Variants in SDK2 observed in about 807,000 individuals in gnomAD.
SDK2 encodes the protein sidekick cell adhesion molecule 2, also known as protein sidekick-2.
Under a neutral mutation model 253.9 loss-of-function variants are expected in SDK2, and 105 were observed. The observed-to-expected ratio is 0.41, with a 90% CI of 0.35 to 0.49. The LOEUF (loss-of-function observed/expected upper bound fraction) is 0.49, where lower values mean the gene tolerates loss of function less well. Ranked by LOEUF, SDK2 falls within the 20% of genes least tolerant of loss-of-function variation. The pLI, the probability that SDK2 is intolerant of heterozygous loss-of-function variation, is 0.06. For synonymous variants in SDK2, 1,249 were observed against 1,234.9 expected, an observed-to-expected ratio of 1.01 and a Z score of -0.24; for missense variants, 2,608 against 3,003.0, an observed-to-expected ratio of 0.87 and a Z score of 3.07.
At chr17:73,615,787 A>G (rs1287503084) in intron 1 of SDK2, among the ~76,000 whole-genome samples, 2 of 152,148 alleles carry the variant, frequency 1.3e-5, no homozygotes, top group Admixed American at 6.5e-5. Flanking sequence ...CACACACACA[A>G]GTATACATGC....
chr17:73,370,989 G>A (rs181815294), intron 36 of SDK2, among the ~76,000 whole-genome samples: 1 of 152,152 alleles, frequency 6.6e-6, no homozygotes, highest in East Asian at 1.9e-4. Context: ...GCTGGAACCC[G>A]GGAGGTGAAG....
chr17:73,353,514 G>A (rs1376373072), intron 40 of SDK2, among the ~76,000 whole-genome samples: 3 of 151,856 alleles, frequency 2.0e-5, no homozygotes, highest in African/African-American at 2.4e-5. Context: ...TCTGCCTCCC[G>A]AGTTCAAGCG....
At chr17:73,357,869 G>A (rs773569915) in intron 40 of SDK2, 39 of 739,124 alleles carry the variant, frequency 5.3e-5, no homozygotes, top group Non-Finnish European at 8.5e-5. Context: ...CCGTTCTCTG[G>A]GGGCCTCCTG....
At chr17:73,385,971 A>G (rs1407231476) in intron 31 of SDK2, 54 bp from the exon 32 acceptor site, 3 of 1,363,036 alleles carry the variant, frequency 2.2e-6, no homozygotes, top group Non-Finnish European at 3.0e-6. Context: ...CAAGTTCCCC[A>G]GGAGCCCACT....
At chr17:73,392,887 C>A (rs191233333) in intron 27 of SDK2, among the ~76,000 whole-genome samples, 1 of 152,018 alleles carries the variant, frequency 6.6e-6, no homozygotes, top group South Asian at 2.1e-4. Flanking sequence ...CCAGGAGGTT[C>A]GTGCGTCCAG....
At chr17:73,412,006 ATATG>A (rs1281827428) in intron 18 of SDK2, among the ~76,000 whole-genome samples, 7 of 126,394 alleles carry the variant, frequency 5.5e-5, no homozygotes, top group South Asian at 2.6e-4. Flanking sequence ...ACACACATAT[ATATG>A]TAGATATACG....
chr17:73,536,638 C>T (rs531863403), intron 1 of SDK2, among the ~76,000 whole-genome samples: 1 of 152,246 alleles, frequency 6.6e-6, no homozygotes, highest in African/African-American at 2.4e-5. Context: ...GCTGCCCCCA[C>T]GCCAGTGCGG....
chr17:73,627,913 G>A (rs1039584228), intron 1 of SDK2, among the ~76,000 whole-genome samples: 16 of 152,140 alleles, frequency 1.1e-4, no homozygotes, highest in East Asian at 3.9e-4. Context: ...TTAGCCAGGC[G>A]TGGTGGTGGG....
intron 4 of SDK2, among the ~76,000 whole-genome samples, chr17:73,450,224 G>T (rs1185345304): frequency 1.3e-5 from 2 of 152,228 alleles, no homozygotes; most frequent in African/African-American, 4.8e-5. Context: ...CCTCTAAAGG[G>T]CATGCAGCTT....
rs1050922511 is a variant in SDK2 at position 73,583,571 on chromosome 17, A to C, written c.64+60454T>G. On this transcript the variant is annotated intron_variant, in intron 1 of 44. Coordinates refer to ENST00000392650, the MANE Select transcript of SDK2 (RefSeq NM_001144952.2). ...CCCCAAACCTCAAGAACTAGGATGA[A>C]AAGTTAGAAGGGCCACCCTGTGCGG... Among the ~76,000 whole-genome samples the C allele has an allele frequency of 2.6e-5, 4 of 152,210 alleles. No individual in the cohort carries two copies. The South Asian group carries it at 6.2e-4, about 24-fold the overall frequency.
At chr17:73,460,465 A>G (rs2063556281) in intron 3 of SDK2, among the ~76,000 whole-genome samples, 1 of 152,232 alleles carries the variant, frequency 6.6e-6, no homozygotes, top group Non-Finnish European at 1.5e-5. Flanking sequence ...TGATTGCAGT[A>G]TACCATTATG....
chr17:73,478,809 G>A (rs112681592), intron 2 of SDK2, among the ~76,000 whole-genome samples: 6 of 152,296 alleles, frequency 3.9e-5, no homozygotes, highest in African/African-American at 9.6e-5. Flanking sequence ...GAGCTGATGC[G>A]GACACCAGAA....
chr17:73,528,466 CG>C (rs1362935353), intron 1 of SDK2, among the ~76,000 whole-genome samples: 2 of 152,184 alleles, frequency 1.3e-5, no homozygotes, highest in African/African-American at 4.8e-5. Flanking sequence ...GGGGAAGCAG[CG>C]ATGCAGTGAG....
chr17:73,618,104 A>G lies in SDK2; in HGVS notation c.64+25921T>C, dbSNP rs748565997. Among the ~76,000 whole-genome samples, 16 of 152,180 alleles carry G rather than the reference A, an allele frequency of 1.1e-4. No individual in the cohort carries two copies. The highest frequency in any genetic ancestry group is 2.1e-4 in the Non-Finnish European group (14 of 68,030). ...TAAAGGGGAGAGAGGTGCTTAATTT[A>G]ATACCAGGCAAATGCAAGAGACCTT... On this transcript the variant is annotated intron_variant, in intron 1 of 44. Coordinates refer to ENST00000392650, the MANE Select transcript of SDK2 (RefSeq NM_001144952.2). The surrounding 1 kb of genome is among the most constrained non-coding windows in gnomAD (Gnocchi z 4.1).
intron 1 of SDK2, among the ~76,000 whole-genome samples, chr17:73,546,111 G>A (rs989334603): frequency 1.3e-5 from 2 of 152,080 alleles, no homozygotes; most frequent in East Asian, 3.9e-4. Context: ...TCGGGGGCGG[G>A]GGGTGAGGAG....
chr17:73,406,577 A>C (rs2063081357), intron 18 of SDK2, among the ~76,000 whole-genome samples: 1 of 152,156 alleles, frequency 6.6e-6, no homozygotes, highest in Non-Finnish European at 1.5e-5. Flanking sequence ...AAAAAATGGA[A>C]GAAAAAACCA....
intron 4 of SDK2, among the ~76,000 whole-genome samples, chr17:73,449,618 T>C (rs2063477415): frequency 6.7e-6 from 1 of 149,386 alleles, no homozygotes; most frequent in South Asian, 2.2e-4. Context: ...TTTTTTTTTT[T>C]TTTTTTTCTG....
At position 73,385,897 on chromosome 17, in the gene SDK2, T is replaced by C. The variant is rs2062868076; in HGVS notation, c.4519A>G (p.Ile1507Val). 1.2e-6 allele frequency: 2 copies of C among 1,607,902 alleles called. No individual in the cohort carries two copies. Among genetic ancestry groups the C allele is most frequent in the Non-Finnish European group, 1.7e-6 (2 of 1,177,772 alleles). ...GTGGTGTGGGGCGTCACGGAGAGGA[T>C]GGTGGGTGCTTCATCGGGGGCTGTG... ...LQAAPDEAPT[I>V]LSVTPHTTTS... is the part of the protein sequence containing the mutation. Residue 1507 changes from isoleucine to valine, a missense_variant, in exon 32 of 45, where the codon ATC becomes GTC. Coordinates refer to ENST00000392650, the MANE Select transcript of SDK2 (RefSeq NM_001144952.2).
intron 18 of SDK2, among the ~76,000 whole-genome samples, chr17:73,414,064 T>G (rs573469715): frequency 1.6e-4 from 24 of 151,724 alleles, no homozygotes; most frequent in Admixed American, 6.6e-4. Context: ...TTTTTTTTTT[T>G]GGGACAGAGT....
Sources: allele counts gnomAD v4.1 joint callset (sites outside exome capture counted in the v4.1 genomes callset), GRCh38; gene constraint gnomAD v4.1.1; non-coding constraint Gnocchi (gnomAD v3.1); transcripts MANE v1.5; gene names NCBI Gene and HGNC (gene_info 2026-07-23, HGNC 2026-07-21).